The following UBE2D2 variants were observed in gnomAD, a reference collection of about 807,000 sequenced individuals.
UBE2D2 encodes ubiquitin-conjugating enzyme E2 D2.
In UBE2D2, 2 loss-of-function variants were observed where a neutral mutation model predicts 24.2. The ratio of observed to expected loss-of-function variants is 0.08; its 90% CI spans 0.03 to 0.26. The LOEUF (loss-of-function observed/expected upper bound fraction) is 0.26, where lower values mean the gene tolerates loss of function less well. Among genes scored for constraint, UBE2D2 ranks in the 10% least tolerant of loss-of-function variants. The pLI is 1.00. For synonymous variants in UBE2D2, 58 were observed against 56.5 expected (o/e 1.03, Z -0.12); for missense variants, 44 against 177.6 (o/e 0.25, Z 4.28).
chr5:139,570,778 C>G (rs1200883628), intron 1 of UBE2D2, among the ~76,000 whole-genome samples: 1 of 152,054 alleles, frequency 6.6e-6, no homozygotes, highest in African/African-American at 2.4e-5. Flanking sequence ...GTTTGGAACT[C>G]CTGACCTCAA....
chr5:139,560,342 C>T (rs1399712910), upstream of UBE2D2, among the ~76,000 whole-genome samples: 1 of 151,974 alleles, frequency 6.6e-6, no homozygotes, highest in Non-Finnish European at 1.5e-5. Context: ...GGACTACAGG[C>T]GCCTGCCACC....
chr5:139,611,253 C>G (rs549584701), intron 2 of UBE2D2, among the ~76,000 whole-genome samples: 1 of 123,008 alleles, frequency 8.1e-6, no homozygotes, highest in East Asian at 2.8e-4. Flanking sequence ...ATGGTGCAAT[C>G]TCAGCTCACT....
intron 5 of UBE2D2, among the ~76,000 whole-genome samples, chr5:139,619,944 C>T (rs903061228): frequency 6.6e-6 from 1 of 152,120 alleles, no homozygotes; most frequent in African/African-American, 2.4e-5. Context: ...GCGGAGTCCT[C>T]GGGAGCTTTT....
rs567072153 is a variant in UBE2D2 at position 139,534,261 on chromosome 5, G to A, written c.-64+7649G>A. On this transcript the variant is annotated intron_variant, in intron 1 of 6. Coordinates refer to the UBE2D2 transcript ENST00000511725. ...CAGCCTGACCAACATGGAGAAAACC[G>A]GTCTCTACTAAAAATGCAAAATTAG... Among the ~76,000 whole-genome samples the A allele has an allele frequency of 9.9e-5, 15 of 150,978 alleles. No individual in the cohort carries two copies. The East Asian group carries it at 2.6e-3, about 26-fold the overall frequency.
intron 1 of UBE2D2, among the ~76,000 whole-genome samples, chr5:139,595,029 A>G (rs1581517351): frequency 1.3e-5 from 2 of 152,310 alleles, no homozygotes; most frequent in South Asian, 4.1e-4. Flanking sequence ...ATGACCAAAG[A>G]AGTCTGCACA....
chr5:139,603,280 T>C (rs1357820827), intron 2 of UBE2D2, among the ~76,000 whole-genome samples: 1 of 152,212 alleles, frequency 6.6e-6, no homozygotes, highest in Non-Finnish European at 1.5e-5. Context: ...TGTCTTTGCT[T>C]TGCTTCTGCC....
chr5:139,626,805 A>G lies in UBE2D2; in HGVS notation c.*4A>G. The G allele has an allele frequency of 6.2e-7, 1 of 1,612,050 alleles. No individual in the cohort carries two copies. The highest frequency in any genetic ancestry group is 8.5e-7 in the Non-Finnish European group (1 of 1,178,686). ...GACTCAGAAGTATGCGATGTAATTA[A>G]AGAAATTATTGGATAACCTCTACAA... On this transcript the variant is annotated 3_prime_UTR_variant, in exon 7 of 7. Coordinates refer to ENST00000398733, the MANE Select transcript of UBE2D2 (RefSeq NM_003339.3).
At chr5:139,564,201 T>C (rs1190844165) in intron 1 of UBE2D2, among the ~76,000 whole-genome samples, 3 of 152,192 alleles carry the variant, frequency 2.0e-5, no homozygotes, top group Admixed American at 6.5e-5. Flanking sequence ...TCGCCCAGGC[T>C]GGAATGCAAT....
At chr5:139,598,919 CTTTTTTTTTT>C (rs36027909) in intron 1 of UBE2D2, among the ~76,000 whole-genome samples, 5 of 76,232 alleles carry the variant, frequency 6.6e-5, no homozygotes, top group East Asian at 3.6e-4. Context: ...AAATATATTC[CTTTTTTTTTT>C]TTTTTTTTTT....
chr5:139,587,335 G>A (rs577694348), intron 1 of UBE2D2, among the ~76,000 whole-genome samples: 2 of 152,230 alleles, frequency 1.3e-5, no homozygotes, highest in East Asian at 1.9e-4. Flanking sequence ...GCGGCTCTGC[G>A]ACAGCAGCAA....
At chr5:139,551,656 C>G (rs1010469198) in intron 1 of UBE2D2, among the ~76,000 whole-genome samples, 1 of 152,222 alleles carries the variant, frequency 6.6e-6, no homozygotes, top group African/African-American at 2.4e-5. Flanking sequence ...AGAGGAACAA[C>G]AGAGACAAGA....
intron 1 of UBE2D2, among the ~76,000 whole-genome samples, chr5:139,549,982 A>G (rs1353296561): frequency 6.6e-6 from 1 of 152,226 alleles, no homozygotes; most frequent in African/African-American, 2.4e-5. Flanking sequence ...AAATACACCA[A>G]TTAGCACTCT....
intron 2 of UBE2D2, among the ~76,000 whole-genome samples, chr5:139,601,555 A>C (rs1581521892): frequency 6.6e-6 from 1 of 152,222 alleles, no homozygotes; most frequent in East Asian, 1.9e-4. Context: ...CAGAGTTTAC[A>C]GTGAGCCAGG....
At chr5:139,585,935 CAAAAAAAAAAAAAAAAA>C (rs60277561) in intron 1 of UBE2D2, among the ~76,000 whole-genome samples, 1 of 25,562 alleles carries the variant, frequency 3.9e-5, no homozygotes, top group Non-Finnish European at 1.1e-4. Flanking sequence ...GACTCTGTCT[CAAAAAAAAAAAAAAAAA>C]AAAAAAAAAG....
At chr5:139,598,807 G>A (rs548562974) in intron 1 of UBE2D2, among the ~76,000 whole-genome samples, 5 of 151,246 alleles carry the variant, frequency 3.3e-5, no homozygotes, top group South Asian at 4.2e-4. Flanking sequence ...AGTGATTGGC[G>A]CCACCTTGGC....
upstream of UBE2D2, among the ~76,000 whole-genome samples, chr5:139,560,821 C>G (rs1753060078): frequency 6.6e-6 from 1 of 152,136 alleles, no homozygotes; most frequent in Non-Finnish European, 1.5e-5. Context: ...TCCGGAAGGC[C>G]AATCTCACTG....
intron 1 of UBE2D2, among the ~76,000 whole-genome samples, chr5:139,544,253 C>T (rs1034416909): frequency 4.0e-5 from 6 of 150,572 alleles, no homozygotes; most frequent in African/African-American, 1.2e-4. Context: ...ACCTCAGCCT[C>T]ACAAAGTGCT....
At chr5:139,559,727 A>G (rs919390310), upstream of UBE2D2, among the ~76,000 whole-genome samples, 3 of 152,214 alleles carry the variant, frequency 2.0e-5, no homozygotes, top group Admixed American at 6.5e-5. Context: ...TTCAGGAGCT[A>G]GAATCAATGA....
intron 1 of UBE2D2, among the ~76,000 whole-genome samples, chr5:139,583,014 G>A (rs1305280969): frequency 1.3e-5 from 2 of 148,682 alleles, no homozygotes; most frequent in East Asian, 2.0e-4. Flanking sequence ...TCGCTTTGTC[G>A]CCCGGGCTGG....
Sources: gnomAD v4.1 joint callset for allele counts (sites outside exome capture counted in the v4.1 genomes callset) on GRCh38, gnomAD v4.1.1 for gene constraint, MANE v1.5 for transcripts, NCBI Gene and HGNC (gene_info 2026-07-23, HGNC 2026-07-21) for gene names.